MAST4: variants seen among roughly 807,000 people sequenced by gnomAD.
MAST4 encodes microtubule associated serine/threonine kinase family member 4, also known as microtubule-associated serine/threonine-protein kinase 4.
A neutral mutation model predicts 162.7 loss-of-function variants in MAST4; 89 were observed. That is an observed-to-expected ratio of 0.55 (90% CI 0.46 to 0.65). The LOEUF (loss-of-function observed/expected upper bound fraction) is 0.65, where lower values mean the gene tolerates loss of function less well. Among genes scored for constraint, MAST4 ranks in the 30% least tolerant of loss-of-function variants. The pLI is 0.00. For synonymous variants in MAST4, 1,479 were observed against 1,361.1 expected (o/e 1.09, Z -1.91); for missense variants, 3,153 against 3,374.0 (o/e 0.93, Z 1.62).
intron 1 of MAST4, among the ~76,000 whole-genome samples, chr5:66,727,640 A>C (rs953476090): frequency 2.6e-5 from 4 of 152,186 alleles, no homozygotes; most frequent in African/African-American, 9.6e-5. Flanking sequence ...AAAGAGCTGC[A>C]CACAAGGATG....
chr5:66,865,489 T>C (rs964267821), intron 3 of MAST4, among the ~76,000 whole-genome samples: 2 of 152,254 alleles, frequency 1.3e-5, no homozygotes, highest in Admixed American at 6.5e-5. Context: ...GTTTTCAAGA[T>C]GTTATTACAT....
At chr5:67,037,969 ATTATG>A (rs1756233475) in intron 4 of MAST4, among the ~76,000 whole-genome samples, 12 of 152,126 alleles carry the variant, frequency 7.9e-5, no homozygotes. Context: ...CATAAGTGGA[ATTATG>A]TTTTGTTTAA....
chr5:66,995,564 A>G (rs969746581), intron 4 of MAST4, among the ~76,000 whole-genome samples: 8 of 152,036 alleles, frequency 5.3e-5, no homozygotes, highest in African/African-American at 1.4e-4. Flanking sequence ...CACCATACCC[A>G]GCTAATTTTT....
intron 3 of MAST4, among the ~76,000 whole-genome samples, chr5:66,865,655 C>G (rs1043545081): frequency 3.3e-5 from 5 of 152,036 alleles, no homozygotes; most frequent in African/African-American, 1.2e-4. Flanking sequence ...AGGACACAAC[C>G]TAAAGCATTT....
intron 10 of MAST4, among the ~76,000 whole-genome samples, chr5:67,105,545 A>G (rs1765507197): frequency 6.6e-6 from 1 of 152,222 alleles, no homozygotes; most frequent in Non-Finnish European, 1.5e-5. Flanking sequence ...CCACTGATGC[A>G]GTCCCTTTCA....
chr5:67,069,898 G>T (rs1691216173), intron 5 of MAST4, among the ~76,000 whole-genome samples: 1 of 151,424 alleles, frequency 6.6e-6, no homozygotes, highest in African/African-American at 2.4e-5. Context: ...GTGTGTGTGT[G>T]TGTGTGTGTG....
chr5:66,859,861 C>T (rs1033106139), intron 3 of MAST4, among the ~76,000 whole-genome samples: 6 of 152,168 alleles, frequency 3.9e-5, no homozygotes, highest in African/African-American at 1.4e-4. Flanking sequence ...GCAGGCATGC[C>T]TGAGACTGTA....
chr5:66,941,478 C>G (rs779506603), intron 4 of MAST4, among the ~76,000 whole-genome samples: 6 of 152,116 alleles, frequency 3.9e-5, no homozygotes, highest in Non-Finnish European at 7.4e-5. Flanking sequence ...CCTCTTAGCT[C>G]TCGTAGAATT....
At position 67,163,387 on chromosome 5, in the gene MAST4, C is replaced by G; in HGVS notation, c.4208C>G (p.Ser1403Ter). 1 of 1,612,582 alleles carries G rather than the reference C, an allele frequency of 6.2e-7. No homozygotes were observed. Among genetic ancestry groups the G allele is most frequent in the Non-Finnish European group, 8.5e-7 (1 of 1,179,854 alleles). The change falls in exon 29 of 29, where the codon TCA becomes TGA. Residue 1403 changes from serine (S) to a stop codon, truncating the protein, a stop_gained. Transcript: ENST00000403625. LOFTEE classifies it low-confidence loss of function (END_TRUNC). This position sits in a 1 kb window ranked among gnomAD's most constrained non-coding sequence, Gnocchi z 7.0. ...TCACCATCCCCTCTTCTGGGACACT[C>G]ACTGGGCAATTCCAAGATCGCGCAA... ...QRSPSPLLGH[S>*]LGNSKIAQAF...
intron 2 of MAST4, among the ~76,000 whole-genome samples, chr5:66,771,151 T>C (rs1754338311): frequency 6.6e-6 from 1 of 152,188 alleles, no homozygotes. Flanking sequence ...ATTTTAAAAG[T>C]TGTATGTGTG....
intron 3 of MAST4, among the ~76,000 whole-genome samples, chr5:66,859,560 A>G (rs903784036): frequency 6.6e-6 from 1 of 152,164 alleles, no homozygotes; most frequent in African/African-American, 2.4e-5. Context: ...TAGACTGTGT[A>G]ACAGATTAAG....
intron 15 of MAST4, among the ~76,000 whole-genome samples, chr5:67,130,747 A>G (rs1768870854): frequency 6.6e-6 from 1 of 152,196 alleles, no homozygotes; most frequent in African/African-American, 2.4e-5. Context: ...CATATCATAA[A>G]AGTACTCATC....
chr5:66,885,459 T>C (rs1368390888), intron 3 of MAST4, among the ~76,000 whole-genome samples: 5 of 152,228 alleles, frequency 3.3e-5, no homozygotes, highest in African/African-American at 4.8e-5. Context: ...TAATGAAAGC[T>C]ATGCAAGATA....
chr5:66,850,822 A>C (rs114998982), intron 3 of MAST4, among the ~76,000 whole-genome samples: 1,793 of 152,244 alleles, frequency 0.012, 30 homozygotes, highest in African/African-American at 0.04. Context: ...GTTCTTGCCT[A>C]ACAGAAATTA....
At chr5:66,902,746 G>A (rs917914961) in intron 4 of MAST4, 1 of 462,776 alleles carries the variant, frequency 2.2e-6, no homozygotes, top group South Asian at 1.6e-5. Flanking sequence ...GGTAACTCCA[G>A]ATCACTTTTC....
chr5:66,924,538 C>T lies in MAST4; in HGVS notation c.674+24556C>T, dbSNP rs561527270. 1.7e-4 allele frequency among the ~76,000 whole-genome samples: 26 copies of T among 151,900 alleles called. No individual in the cohort carries two copies. The South Asian group carries it at 5.2e-3, about 30-fold the overall frequency. On this transcript the variant is annotated intron_variant, in intron 4 of 28. Transcript: ENST00000403625. Reference sequence around the variant, plus strand: ...CCTCCTGAGTAGCTGGGACTATAGGCGTCCGCCACCGCGTCCACCACCGCG... The same window carrying T: ...CCTCCTGAGTAGCTGGGACTATAGGTGTCCGCCACCGCGTCCACCACCGCG...
intron 24 of MAST4, among the ~76,000 whole-genome samples, chr5:67,150,966 C>T (rs1279935824): frequency 1.3e-5 from 2 of 152,136 alleles, no homozygotes; most frequent in Non-Finnish European, 2.9e-5. Context: ...TTTCAGCTTA[C>T]GGTAGCCACA....
At chr5:66,613,883 A>G (rs1180310661) in intron 1 of MAST4, among the ~76,000 whole-genome samples, 2 of 152,232 alleles carry the variant, frequency 1.3e-5, no homozygotes, top group African/African-American at 2.4e-5. Context: ...CTATAAGCAT[A>G]GGGGAAAAAT....
At chr5:66,790,895 T>G (rs372305361) in intron 3 of MAST4, among the ~76,000 whole-genome samples, 1 of 112,352 alleles carries the variant, frequency 8.9e-6, no homozygotes, top group Non-Finnish European at 2.0e-5. Flanking sequence ...TTGACAGAAG[T>G]GTTTTTTAGC....
Sources: gnomAD v4.1 joint callset for allele counts (sites outside exome capture counted in the v4.1 genomes callset) on GRCh38, gnomAD v4.1.1 for gene constraint, Gnocchi (gnomAD v3.1) non-coding constraint, MANE v1.5 for transcripts, NCBI Gene and HGNC (gene_info 2026-07-23, HGNC 2026-07-21) for gene names.